The following HELZ variants were observed in gnomAD, a reference collection of about 807,000 sequenced individuals.
HELZ encodes the protein ATP-dependent RNA helicase with zinc finger domain.
Under a neutral mutation model 218.2 loss-of-function variants are expected in HELZ, and 23 were observed. That is an observed-to-expected ratio of 0.11 (90% CI 0.08 to 0.15). HELZ has a LOEUF of 0.15. HELZ is among the 10% of genes least tolerant of loss of function. HELZ has a pLI of 1.00. For synonymous variants in HELZ, 814 were observed against 829.4 expected (o/e 0.98, Z 0.32); for missense variants, 1,813 against 2,353.7 (o/e 0.77, Z 4.75).
rs2035987435 is a variant in HELZ at position 67,075,240 on chromosome 17, G to A, written c.*3012C>T. ...AAAAAAGAAAATCTCAAGTAGCACTGAAATTAAAAAGTGAAACAAATATTC... is the reference window on the plus strand; with the variant it reads ...AAAAAAGAAAATCTCAAGTAGCACTAAAATTAAAAAGTGAAACAAATATTC... On this transcript the variant is annotated 3_prime_UTR_variant, in exon 33 of 33. Coordinates refer to ENST00000358691, the MANE Select transcript of HELZ (RefSeq NM_014877.4). The A allele has an allele frequency of 6.6e-6, 1 of 152,008 alleles. No homozygotes were observed. Among genetic ancestry groups the A allele is most frequent in the Non-Finnish European group, 1.5e-5 (1 of 67,968 alleles). 9.4% of individuals were successfully genotyped at this position (152,008 alleles called of 1,614,324 possible).
chr17:67,074,505 C>CT lies in HELZ; in HGVS notation c.*3746dup. The CT allele has an allele frequency of 6.6e-6, 1 of 152,252 alleles. No homozygotes were observed. Among genetic ancestry groups the CT allele is most frequent in the South Asian group, 2.1e-4 (1 of 4,822 alleles). 9.4% of individuals were successfully genotyped at this position (152,252 alleles called of 1,614,324 possible). On this transcript the variant is annotated 3_prime_UTR_variant, in exon 33 of 33. Coordinates refer to ENST00000358691, the MANE Select transcript of HELZ (RefSeq NM_014877.4). ...TGAAATTGTTCTTCACACCCTGACTCTTAACAAAGGTGGCTCGCTCTAGCT... is the reference window on the plus strand; with the variant it reads ...TGAAATTGTTCTTCACACCCTGACTCTTTAACAAAGGTGGCTCGCTCTAGCT...
intron 13 of HELZ, among the ~76,000 whole-genome samples, chr17:67,177,613 CCTT>C (rs1348826866): frequency 4.6e-5 from 7 of 151,256 alleles, no homozygotes; most frequent in Non-Finnish European, 1.0e-4. Context: ...AACCCACTGT[CCTT>C]CTTATTTAAC....
chr17:67,107,400 G>C lies in HELZ; in HGVS notation c.5010C>G (p.Ala1670=). 6 of 1,614,160 alleles carry C rather than the reference G, an allele frequency of 3.7e-6. No homozygotes were observed. The South Asian group carries it at 5.5e-5, about 15-fold the overall frequency. Residue 1670 remains alanine, a synonymous_variant, in exon 31 of 33, where the codon GCC becomes GCG. Transcript: ENST00000358691. ...SPFSLPSEHL[A]PPPLKYLAPD... is the part of the protein sequence containing the mutation. ...GTGCCAGGTATTTCAAGGGAGGAGGGGCAAGGTGTTCAGATGGCAACGAGA... is the reference window on the plus strand; with the variant it reads ...GTGCCAGGTATTTCAAGGGAGGAGGCGCAAGGTGTTCAGATGGCAACGAGA...
chr17:67,117,724 A>G (rs2037471790), intron 27 of HELZ, among the ~76,000 whole-genome samples: 1 of 151,918 alleles, frequency 6.6e-6, no homozygotes, highest in African/African-American at 2.4e-5. Flanking sequence ...TCATTTTTAT[A>G]CTTTTAGTAG....
At chr17:67,132,266 C>G (rs910667851) in intron 23 of HELZ, among the ~76,000 whole-genome samples, 7 of 149,332 alleles carry the variant, frequency 4.7e-5, no homozygotes, top group African/African-American at 1.8e-4. Flanking sequence ...ATACATATAT[C>G]TCTACACATA....
In HELZ at chr17:67,224,810, G is replaced by A. The variant is rs901353026; in HGVS notation, c.-18-5988C>T. On this transcript the variant is annotated intron_variant, in intron 3 of 32. Transcript: ENST00000358691. ...CCCCACAAAACGACACAGTACAAGG[G>A]CAAGGATTCTCTGTATGCCCAGGGA... 1.7e-5 allele frequency: 19 copies of A among 1,123,424 alleles called. No homozygotes were observed. The African/African-American group carries it at 2.7e-4, about 16-fold the overall frequency. 69.6% of individuals were successfully genotyped at this position (1,123,424 alleles called of 1,614,324 possible).
rs1040270569 is a variant in HELZ, at chr17:67,123,933, A to T, written c.3439+30T>A. The T allele has an allele frequency of 1.9e-6, 3 of 1,551,328 alleles. No individual in the cohort carries two copies. The African/African-American group carries it at 4.1e-5, about 21-fold the overall frequency. On this transcript the variant is annotated intron_variant, in intron 25 of 32. Coordinates refer to ENST00000358691, the MANE Select transcript of HELZ (RefSeq NM_014877.4). ...GGAAAATCTCTTACATCATAAAAGC[A>T]AGTTTTCATAGGGTAATTTTTCCAC... is the stretch of plus-strand genomic sequence containing the variant.
chr17:67,184,120 C>G (rs570296603), intron 12 of HELZ, among the ~76,000 whole-genome samples: 1 of 151,978 alleles, frequency 6.6e-6, no homozygotes, highest in African/African-American at 2.4e-5. Context: ...GAAATATAAA[C>G]ATTTGCTATA....
At chr17:67,124,134 T>G in intron 24 of HELZ, 120 bp from the exon 25 acceptor site, 1 of 657,744 alleles carries the variant, frequency 1.5e-6, no homozygotes, top group South Asian at 2.0e-5. Context: ...CTAAAAACTG[T>G]GAGTCTATAA....
intron 27 of HELZ, among the ~76,000 whole-genome samples, chr17:67,116,886 G>A (rs796140359): frequency 1.3e-5 from 2 of 151,982 alleles, no homozygotes; most frequent in Non-Finnish European, 2.9e-5. Flanking sequence ...ACAGAGTTTC[G>A]CTCTTGTTGC....
chr17:67,104,296 G>A (rs778554891), intron 31 of HELZ, among the ~76,000 whole-genome samples: 7 of 152,122 alleles, frequency 4.6e-5, no homozygotes, highest in Non-Finnish European at 8.8e-5. Flanking sequence ...AAAATTAGCC[G>A]GGTGTGGTGG....
intron 31 of HELZ, among the ~76,000 whole-genome samples, chr17:67,100,609 A>G (rs1428973386): frequency 2.0e-5 from 3 of 152,204 alleles, no homozygotes; most frequent in Non-Finnish European, 2.9e-5. Context: ...CAGTATCAAC[A>G]TTGCTACATA....
intron 12 of HELZ, among the ~76,000 whole-genome samples, chr17:67,184,041 T>C (rs1043320524): frequency 2.6e-5 from 4 of 152,114 alleles, no homozygotes; most frequent in African/African-American, 9.7e-5. Flanking sequence ...CCTATGTTTA[T>C]TTTCCTCCAA....
At chr17:67,110,733 T>C (rs1426616715) in intron 28 of HELZ, among the ~76,000 whole-genome samples, 4 of 152,214 alleles carry the variant, frequency 2.6e-5, no homozygotes, top group African/African-American at 9.7e-5. Flanking sequence ...TTTGTTTACA[T>C]GTTGTCTGTA....
chr17:67,168,065 C>T (rs9900878), intron 13 of HELZ, among the ~76,000 whole-genome samples: 45,705 of 151,878 alleles, frequency 0.3, 9,212 homozygotes, highest in African/African-American at 0.58. Context: ...TCACTGCTAC[C>T]TCTGCCTCCC....
intron 3 of HELZ, among the ~76,000 whole-genome samples, chr17:67,220,992 T>C (rs1263774393): frequency 6.6e-6 from 1 of 152,160 alleles, no homozygotes; most frequent in African/African-American, 2.4e-5. Flanking sequence ...ACAGTTGGTA[T>C]GCATGCCTGT....
rs2037582830 is a variant in HELZ, at chr17:67,120,666, T to TGC, written c.3631-56_3631-55dup. On this transcript the variant is annotated intron_variant, in intron 26 of 32. Coordinates refer to ENST00000358691, the MANE Select transcript of HELZ (RefSeq NM_014877.4). ...ATTAAGTATATTTTGGAAGGCAAAC[T>TGC]GCTAGAGTGCTGCTGATTAGGGAAA... 3.3e-6 allele frequency: 4 copies of TGC among 1,203,854 alleles called. No homozygotes were observed. The African/African-American group carries it at 6.0e-5, about 18-fold the overall frequency. 74.6% of individuals were successfully genotyped at this position (1,203,854 alleles called of 1,614,324 possible).
chr17:67,116,644 G>C (rs1239614672), intron 27 of HELZ, among the ~76,000 whole-genome samples: 1 of 152,026 alleles, frequency 6.6e-6, no homozygotes, highest in Non-Finnish European at 1.5e-5. Flanking sequence ...TTAATCAAGA[G>C]TATGCAATCC....
intron 15 of HELZ, among the ~76,000 whole-genome samples, chr17:67,163,391 C>T (rs2039044377): frequency 9.9e-6 from 1 of 100,792 alleles, no homozygotes; most frequent in Admixed American, 1.2e-4. Flanking sequence ...TTCTTAGAGA[C>T]CCAACTTAGT....
Sources: allele counts gnomAD v4.1 joint callset (sites outside exome capture counted in the v4.1 genomes callset), GRCh38; gene constraint gnomAD v4.1.1; transcripts MANE v1.5; gene names NCBI Gene and HGNC (gene_info 2026-07-23, HGNC 2026-07-21).